CHST9: variants seen among roughly 807,000 people sequenced by gnomAD.
CHST9 encodes carbohydrate sulfotransferase 9, also known as GalNAc-4-sulfotransferase 2.
CHST9 carries 41 observed loss-of-function variants against 44.4 expected under a neutral mutation model. The ratio of observed to expected loss-of-function variants is 0.92; its 90% CI spans 0.72 to 1.20. CHST9 has a LOEUF of 1.20. Among genes scored for constraint, CHST9 ranks in the 50% most tolerant of loss-of-function variants. The pLI, the probability that CHST9 is intolerant of heterozygous loss-of-function variation, is 0.00. For synonymous variants in CHST9, 171 were observed against 178.4 expected (o/e 0.96, Z 0.33); for missense variants, 504 against 516.5 (o/e 0.98, Z 0.23).
At chr18:26,994,658 T>TGGCTCACTGCAACCTC (rs1287317898) in intron 4 of CHST9, among the ~76,000 whole-genome samples, 5 of 152,110 alleles carry the variant, frequency 3.3e-5, no homozygotes, top group South Asian at 2.1e-4. Flanking sequence ...GGTGCAACCT[T>TGGCTCACTGCAACCTC]GGCTCACTGC....
chr18:27,089,099 T>G (rs747492946), intron 2 of CHST9, among the ~76,000 whole-genome samples: 36 of 152,354 alleles, frequency 2.4e-4, no homozygotes, highest in Admixed American at 9.8e-4. Context: ...CATGTAATTG[T>G]TAATGAAGCT....
intron 4 of CHST9, among the ~76,000 whole-genome samples, chr18:26,961,954 C>T (rs539078979): frequency 3.3e-5 from 5 of 152,158 alleles, no homozygotes; most frequent in Admixed American, 6.5e-5. Flanking sequence ...AATACAAAGG[C>T]GAAAGGGTAT....
chr18:27,085,201 T>C (rs769290315), intron 2 of CHST9, among the ~76,000 whole-genome samples: 2 of 152,096 alleles, frequency 1.3e-5, no homozygotes, highest in African/African-American at 2.4e-5. Flanking sequence ...ATTTTGGACA[T>C]AGGCCCTGGC....
intron 4 of CHST9, among the ~76,000 whole-genome samples, chr18:26,947,178 G>A (rs964411072): frequency 3.9e-5 from 6 of 152,068 alleles, no homozygotes; most frequent in Non-Finnish European, 8.8e-5. Flanking sequence ...ATTTGTTTGT[G>A]TCCTCTCATA....
chr18:27,075,284 A>C (rs537032049), intron 2 of CHST9, among the ~76,000 whole-genome samples: 1 of 151,924 alleles, frequency 6.6e-6, no homozygotes, highest in Admixed American at 6.6e-5. Flanking sequence ...TAGCAAACAT[A>C]CTAAATTTCC....
At chr18:26,943,105 T>TAA (rs543787110) in intron 5 of CHST9, among the ~76,000 whole-genome samples, 1 of 148,440 alleles carries the variant, frequency 6.7e-6, no homozygotes, top group African/African-American at 2.5e-5. Flanking sequence ...AGACTCCGTC[T>TAA]AAAAAAAAAA....
intron 2 of CHST9, among the ~76,000 whole-genome samples, chr18:27,078,520 A>T (rs1314119374): frequency 6.6e-6 from 1 of 152,156 alleles, no homozygotes; most frequent in African/African-American, 2.4e-5. Context: ...CTTAAACCTT[A>T]AAAACATCTT....
chr18:27,026,728 AC>A (rs887839383), intron 3 of CHST9, among the ~76,000 whole-genome samples: 19 of 152,174 alleles, frequency 1.2e-4, no homozygotes, highest in African/African-American at 4.1e-4. Flanking sequence ...ATAACTTGAA[AC>A]CCCAACAATG....
At chr18:27,159,473 T>C (rs1418797503) in intron 1 of CHST9, among the ~76,000 whole-genome samples, 1 of 152,216 alleles carries the variant, frequency 6.6e-6, no homozygotes, top group Non-Finnish European at 1.5e-5. Flanking sequence ...TCTATATCTC[T>C]GTTTTGGTAC....
At chr18:27,035,274 C>T (rs2057379166) in intron 3 of CHST9, among the ~76,000 whole-genome samples, 1 of 152,122 alleles carries the variant, frequency 6.6e-6, no homozygotes, top group African/African-American at 2.4e-5. Flanking sequence ...AATATATTTT[C>T]ATATACCTAT....
intron 2 of CHST9, among the ~76,000 whole-genome samples, chr18:27,121,272 T>C (rs1015607679): frequency 2.0e-5 from 3 of 152,158 alleles, no homozygotes; most frequent in Non-Finnish European, 2.9e-5. Context: ...TCAAAAGTGT[T>C]GGGATTCCAG....
intron 1 of CHST9, among the ~76,000 whole-genome samples, chr18:27,151,700 G>A (rs1567939858): frequency 6.6e-6 from 1 of 152,132 alleles, no homozygotes; most frequent in African/African-American, 2.4e-5. Context: ...TGTTCATTTG[G>A]GGGATAAAGA....
intron 2 of CHST9, among the ~76,000 whole-genome samples, chr18:27,117,346 C>T (rs1157999296): frequency 6.6e-6 from 1 of 152,100 alleles, no homozygotes; most frequent in East Asian, 1.9e-4. Context: ...CTCAACCTCC[C>T]CCATTTTCAA....
At chr18:27,112,521 G>T (rs1259802563) in intron 2 of CHST9, among the ~76,000 whole-genome samples, 1 of 151,120 alleles carries the variant, frequency 6.6e-6, no homozygotes, top group Non-Finnish European at 1.5e-5. Context: ...CAGTATTTAA[G>T]AAGTTTTTGA....
chr18:27,140,512 T>C (rs112441574), intron 2 of CHST9, among the ~76,000 whole-genome samples: 1 of 152,236 alleles, frequency 6.6e-6, no homozygotes, highest in South Asian at 2.1e-4. Flanking sequence ...TCTATACATA[T>C]GAATATATTT....
rs933300283 is a variant in CHST9, at chr18:26,914,653, G to C, written c.*1606C>G. 9.1e-6 allele frequency: 3 copies of C among 330,950 alleles called. No individual in the cohort carries two copies. The highest frequency in any genetic ancestry group is 6.3e-5 in the African/African-American group (3 of 47,252). The allele number at this position is 330,950 out of a possible 1,614,324, so 20.5% of individuals were successfully genotyped here. A position where few individuals can be genotyped will look rare whatever the true frequency, so the allele number is the denominator to read the frequency against. ...ATTGCAGTTTACTTACTCCTTAGGA[G>C]ACACAGATGGGACACGGCAGGTGTG... On this transcript the variant is annotated 3_prime_UTR_variant, in exon 6 of 6. Transcript: ENST00000618847.
At chr18:26,958,497 C>G (rs1379224986) in intron 4 of CHST9, among the ~76,000 whole-genome samples, 1 of 151,554 alleles carries the variant, frequency 6.6e-6, no homozygotes, top group East Asian at 1.9e-4. Context: ...CAAGTGGGAC[C>G]TAGTTAAACT....
In CHST9 at chr18:26,926,500, G is replaced by A. The variant is rs562281682; in HGVS notation, c.241-9150C>T. ...AGTAGATAAGGCTACTCCCCAAGGG[G>A]TTCAATATGCTTTTATAGATTTATC... On this transcript the variant is annotated intron_variant, in intron 5 of 5. Coordinates refer to ENST00000618847, the MANE Select transcript of CHST9 (RefSeq NM_031422.6). 1.4e-3 allele frequency among the ~76,000 whole-genome samples: 213 copies of A among 152,264 alleles called. No homozygotes were observed. The South Asian group carries it at 0.016, about 11-fold the overall frequency.
At chr18:27,013,939 A>C (rs964008) in intron 4 of CHST9, among the ~76,000 whole-genome samples, 99,016 of 152,038 alleles carry the variant, frequency 0.65, 32,766 homozygotes, top group African/African-American at 0.76. Flanking sequence ...GTAACATCAA[A>C]CCTTTGGAAA....
Sources: allele counts gnomAD v4.1 joint callset (sites outside exome capture counted in the v4.1 genomes callset), GRCh38; gene constraint gnomAD v4.1.1; transcripts MANE v1.5; gene names NCBI Gene and HGNC (gene_info 2026-07-23, HGNC 2026-07-21).